DERA: variants seen among roughly 807,000 people sequenced by gnomAD.
The protein encoded by DERA is deoxyribose-phosphate aldolase, also known as 2-deoxy-D-ribose 5-phosphate aldolase.
A neutral mutation model predicts 41.1 loss-of-function variants in DERA; 15 were observed. The observed-to-expected ratio is 0.37, with a 90% CI of 0.24 to 0.56. The LOEUF is 0.56. Ranked by LOEUF, DERA falls within the 20% of genes least tolerant of loss-of-function variation. The pLI, the probability that DERA is intolerant of heterozygous loss-of-function variation, is 0.81. For synonymous variants in DERA, 139 were observed against 137.4 expected (o/e 1.01, Z -0.08); for missense variants, 396 against 403.4 (o/e 0.98, Z 0.16).
At chr12:15,969,857 T>C (rs1948648425) in intron 5 of DERA, among the ~76,000 whole-genome samples, 1 of 152,200 alleles carries the variant, frequency 6.6e-6, no homozygotes, top group Non-Finnish European at 1.5e-5. Flanking sequence ...CGATAGCTAC[T>C]TTTTGGGGAG....
Position 15,915,393 on chromosome 12 carries a change from G to A in DERA, c.31+3979G>A, listed in dbSNP as rs1271244606. 6.6e-6 allele frequency among the ~76,000 whole-genome samples: 1 copy of A among 152,148 alleles called. No homozygotes were observed. The highest frequency in any genetic ancestry group is 1.5e-5 in the Non-Finnish European group (1 of 68,032). On this transcript the variant is annotated intron_variant, in intron 1 of 8. Transcript: ENST00000428559. The surrounding 1 kb of genome is among the most constrained non-coding windows in gnomAD (Gnocchi z 4.8). ...TGGGTACAGAATGTTTCTGATTTGG[G>A]TGATGGTGATTTTCCACTGCAAAGT...
At position 16,012,782 on chromosome 12, in the gene DERA, TATTTAATTTAAAA is replaced by T. The variant is rs1418683574; in HGVS notation, c.638-19755_638-19743del. On this transcript the variant is annotated intron_variant, in intron 6 of 8. Coordinates refer to ENST00000428559, the MANE Select transcript of DERA (RefSeq NM_015954.4). This position sits in a 1 kb window ranked among gnomAD's most constrained non-coding sequence, Gnocchi z 4.1. Reference sequence around the variant, plus strand: ...CTGTAAAAATGCTGTTGAACAGATATATTTAATTTAAAAATTTTTAATAACCACATTAATTAAA... The same window carrying T: ...CTGTAAAAATGCTGTTGAACAGATATATTTTTAATAACCACATTAATTAAA... 6.6e-6 allele frequency among the ~76,000 whole-genome samples: 1 copy of T among 152,218 alleles called. No individual in the cohort carries two copies. Among genetic ancestry groups the T allele is most frequent in the Non-Finnish European group, 1.5e-5 (1 of 68,040 alleles).
intron 6 of DERA, among the ~76,000 whole-genome samples, chr12:16,005,693 GA>G (rs905537417): frequency 1.3e-4 from 20 of 152,178 alleles, no homozygotes; most frequent in African/African-American, 4.3e-4. Flanking sequence ...TTTACAAAAA[GA>G]AAAAACTTCT....
rs918253088 is a variant in DERA, at chr12:16,008,904, G to A, written c.638-23638G>A. On this transcript the variant is annotated intron_variant, in intron 6 of 8. Coordinates refer to ENST00000428559, the MANE Select transcript of DERA (RefSeq NM_015954.4). This position sits in a 1 kb window ranked among gnomAD's most constrained non-coding sequence, Gnocchi z 4.8. ...ACGTAGAGAACTACAAACTTGATAAGGTAGAAACTGCAAAACAATAGCTGG... is the reference window on the plus strand; with the variant it reads ...ACGTAGAGAACTACAAACTTGATAAAGTAGAAACTGCAAAACAATAGCTGG... Among the ~76,000 whole-genome samples the A allele has an allele frequency of 2.0e-5, 3 of 152,166 alleles. No homozygotes were observed. The highest frequency in any genetic ancestry group is 6.5e-5 in the Admixed American group (1 of 15,278).
chr12:15,918,975 GAAGA>G lies in DERA; in HGVS notation c.31+7568_31+7571del, dbSNP rs1427322247. On this transcript the variant is annotated intron_variant, in intron 1 of 8. Transcript: ENST00000428559. The surrounding 1 kb of genome is among the most constrained non-coding windows in gnomAD (Gnocchi z 4.3). The stretch of plus-strand genomic sequence containing the variant: ...TAATGGCTAAGAGTAATGTTTTCAT[GAAGA>G]AAGAAAAAAAATCCTTCATAGCCTA... 3.3e-5 allele frequency among the ~76,000 whole-genome samples: 5 copies of G among 151,878 alleles called. No homozygotes were observed. Among genetic ancestry groups the G allele is most frequent in the African/African-American group, 1.2e-4 (5 of 41,338 alleles).
At chr12:15,916,300 C>G (rs896686350) in intron 1 of DERA, 1 of 152,096 alleles carries the variant, frequency 6.6e-6, no homozygotes, top group African/African-American at 2.4e-5. Context: ...TGATGGTGAC[C>G]AGGGAGTGAC....
At chr12:15,975,513 TGTTA>T (rs1948691231) in intron 5 of DERA, among the ~76,000 whole-genome samples, 1 of 152,236 alleles carries the variant, frequency 6.6e-6, no homozygotes, top group Admixed American at 6.5e-5. Flanking sequence ...GGAGCTAACT[TGTTA>T]GTTCTACAAA....
intron 1 of DERA, among the ~76,000 whole-genome samples, chr12:15,945,051 A>T (rs927272510): frequency 6.6e-6 from 1 of 152,144 alleles, no homozygotes. Flanking sequence ...GACGTGTGGT[A>T]TTATTTCTGA....
At chr12:16,005,769 C>G (rs1468296829) in intron 6 of DERA, among the ~76,000 whole-genome samples, 1 of 152,156 alleles carries the variant, frequency 6.6e-6, no homozygotes, top group Non-Finnish European at 1.5e-5. Context: ...TCTCGTGTAT[C>G]ATTTTTAATA....
At chr12:16,032,489 G>A in intron 6 of DERA, 53 bp from the exon 7 acceptor site, 1 of 1,041,802 alleles carries the variant, frequency 9.6e-7, no homozygotes, top group Non-Finnish European at 1.3e-6. Context: ...TGACTCAAAA[G>A]TGTAAAAAAA....
At chr12:15,958,827 C>T (rs1248120182) in intron 3 of DERA, among the ~76,000 whole-genome samples, 2 of 152,180 alleles carry the variant, frequency 1.3e-5, no homozygotes, top group Non-Finnish European at 2.9e-5. Flanking sequence ...CCTTAGTATA[C>T]ATGAAAAGAA....
Position 16,036,506 on chromosome 12 carries a change from C to T in DERA, c.900+125C>T, listed in dbSNP as rs1407605486. 1.7e-5 allele frequency: 21 copies of T among 1,217,246 alleles called. No homozygotes were observed. The highest frequency in any genetic ancestry group is 2.2e-5 in the Non-Finnish European group (19 of 880,048). The allele number at this position is 1,217,246 out of a possible 1,614,324, so 75.4% of individuals were successfully genotyped here. ...TGACCTCATCCTACCCAATCCTCTA[C>T]CTTTTCTTCCAAGCAAACCGCCATC... is the stretch of plus-strand genomic sequence containing the variant. On this transcript the variant is annotated intron_variant, in intron 8 of 8. Coordinates refer to ENST00000428559, the MANE Select transcript of DERA (RefSeq NM_015954.4). This position sits in a 1 kb window ranked among gnomAD's most constrained non-coding sequence, Gnocchi z 4.9.
At chr12:16,018,988 T>G (rs1949001764) in intron 6 of DERA, among the ~76,000 whole-genome samples, 1 of 152,144 alleles carries the variant, frequency 6.6e-6, no homozygotes, top group Non-Finnish European at 1.5e-5. Flanking sequence ...TCTCATAAGA[T>G]TTTTGTCCCC....
intron 5 of DERA, among the ~76,000 whole-genome samples, chr12:15,968,008 C>T (rs1948634906): frequency 6.6e-6 from 1 of 151,836 alleles, no homozygotes; most frequent in Non-Finnish European, 1.5e-5. Context: ...AAAATCCCTC[C>T]AGGTGATTTT....
Position 15,990,040 on chromosome 12 carries a change from A to C in DERA, c.637+7604A>C, listed in dbSNP as rs1036015037. Reference sequence around the variant, plus strand: ...CAAATGCAGCAAGGTATGTGAGTGCATCATAAACTGTAAATAAAGTACTTT... The same window carrying C: ...CAAATGCAGCAAGGTATGTGAGTGCCTCATAAACTGTAAATAAAGTACTTT... On this transcript the variant is annotated intron_variant, in intron 6 of 8. Coordinates refer to ENST00000428559, the MANE Select transcript of DERA (RefSeq NM_015954.4). This position sits in a 1 kb window ranked among gnomAD's most constrained non-coding sequence, Gnocchi z 4.3. Among the ~76,000 whole-genome samples the C allele has an allele frequency of 2.0e-5, 3 of 152,242 alleles. No individual in the cohort carries two copies. The highest frequency in any genetic ancestry group is 2.9e-5 in the Non-Finnish European group (2 of 68,044).
In DERA at chr12:15,913,933, A is replaced by G. The variant is rs374780932; in HGVS notation, c.31+2519A>G. Among the ~76,000 whole-genome samples the G allele has an allele frequency of 2.0e-5, 3 of 152,312 alleles. No homozygotes were observed. Among genetic ancestry groups the G allele is most frequent in the East Asian group, 1.9e-4 (1 of 5,188 alleles). On this transcript the variant is annotated intron_variant, in intron 1 of 8. Coordinates refer to ENST00000428559, the MANE Select transcript of DERA (RefSeq NM_015954.4). This position sits in a 1 kb window ranked among gnomAD's most constrained non-coding sequence, Gnocchi z 4.5. Reference sequence around the variant, plus strand: ...TTGTACCTAGACTATTATGCCCTATATAGTCTATTAAAATGTACAGATATT... The same window carrying G: ...TTGTACCTAGACTATTATGCCCTATGTAGTCTATTAAAATGTACAGATATT...
intron 5 of DERA, among the ~76,000 whole-genome samples, chr12:15,980,790 G>A (rs567254976): frequency 2.6e-5 from 4 of 152,046 alleles, no homozygotes; most frequent in Non-Finnish European, 5.9e-5. Flanking sequence ...AACTTACTGA[G>A]CATCTTGGAA....
chr12:15,914,960 T>G (rs537123129), intron 1 of DERA, among the ~76,000 whole-genome samples: 1 of 152,344 alleles, frequency 6.6e-6, no homozygotes, highest in African/African-American at 2.4e-5. Context: ...ATATTTTTAG[T>G]AGAGACGGGT....
At chr12:15,948,066 A>G (rs1490311075) in intron 1 of DERA, among the ~76,000 whole-genome samples, 1 of 152,218 alleles carries the variant, frequency 6.6e-6, no homozygotes, top group Non-Finnish European at 1.5e-5. Context: ...TTCTGCTGAG[A>G]GATCAACTGT....
Sources: allele counts gnomAD v4.1 joint callset (sites outside exome capture counted in the v4.1 genomes callset), GRCh38; gene constraint gnomAD v4.1.1; non-coding constraint Gnocchi (gnomAD v3.1); transcripts MANE v1.5; gene names NCBI Gene and HGNC (gene_info 2026-07-23, HGNC 2026-07-21).